MDFI: variants seen among roughly 807,000 people sequenced by gnomAD.
MDFI encodes MyoD family inhibitor.
In MDFI, 16 loss-of-function variants were observed where a neutral mutation model predicts 22.3. The ratio of observed to expected loss-of-function variants is 0.72; its 90% CI spans 0.49 to 1.09. The LOEUF (loss-of-function observed/expected upper bound fraction) is 1.09. Among genes scored for constraint, MDFI ranks in the 50% least tolerant of loss-of-function variants. The pLI is 0.00. For synonymous variants in MDFI, 145 were observed against 142.7 expected (o/e 1.02, Z -0.12); for missense variants, 314 against 326.1 (o/e 0.96, Z 0.29).
At chr6:41,651,303 A>AT (rs1419687986) in intron 4 of MDFI, among the ~76,000 whole-genome samples, 2 of 149,642 alleles carry the variant, frequency 1.3e-5, no homozygotes, top group East Asian at 3.9e-4. Flanking sequence ...AAGTGCAATG[A>AT]TAAACTCATG....
Position 41,653,813 on chromosome 6 carries a change from T to C in MDFI, c.*238T>C, listed in dbSNP as rs1221671992. On this transcript the variant is annotated 3_prime_UTR_variant, in exon 5 of 5. Coordinates refer to ENST00000230321, the MANE Select transcript of MDFI (RefSeq NM_005586.4). This position sits in a 1 kb window ranked among gnomAD's most constrained non-coding sequence, Gnocchi z 4.2. Reference sequence around the variant, plus strand: ...TGGCAGAGAAGCCTGAACTCTTTACTGGGTTACCAGGTTCATACATTGCTG... The same window carrying C: ...TGGCAGAGAAGCCTGAACTCTTTACCGGGTTACCAGGTTCATACATTGCTG... 5.6e-6 allele frequency: 3 copies of C among 533,506 alleles called. No homozygotes were observed. The African/African-American group carries it at 5.8e-5, about 10-fold the overall frequency. The allele number at this position is 533,506 out of a possible 1,614,324, so 33.0% of individuals were successfully genotyped here.
At chr6:41,644,332 G>T (rs1767969370) in intron 2 of MDFI, among the ~76,000 whole-genome samples, 1 of 152,206 alleles carries the variant, frequency 6.6e-6, no homozygotes, top group Non-Finnish European at 1.5e-5. Context: ...TAACTCTCCT[G>T]CCCTGCACAA....
Position 41,653,865 on chromosome 6 carries a change from A to C in MDFI, c.*290A>C. On this transcript the variant is annotated 3_prime_UTR_variant, in exon 5 of 5. Transcript: ENST00000230321. This position sits in a 1 kb window ranked among gnomAD's most constrained non-coding sequence, Gnocchi z 4.2. ...GGACCTGACAGGACAACCTAGGGGC[A>C]GGGCTGGGGTGGGGACCGCAGGGGG... 3 of 335,172 alleles carry C rather than the reference A, an allele frequency of 9.0e-6. No individual in the cohort carries two copies. The highest frequency in any genetic ancestry group is 1.2e-5 in the Non-Finnish European group (2 of 172,658). The allele number at this position is 335,172 out of a possible 1,614,324, so 20.8% of individuals were successfully genotyped here.
At chr6:41,652,139 A>T (rs9394819) in intron 4 of MDFI, among the ~76,000 whole-genome samples, 1 of 151,968 alleles carries the variant, frequency 6.6e-6, no homozygotes, top group Non-Finnish European at 1.5e-5. Flanking sequence ...GCGGTATTGA[A>T]GCGGGTGGTG....
At chr6:41,643,561 G>GGAAA in intron 2 of MDFI, among the ~76,000 whole-genome samples, 1 of 102,076 alleles carries the variant, frequency 9.8e-6, no homozygotes, top group Non-Finnish European at 2.2e-5. Context: ...AAGGAAGGAA[G>GGAAA]GAAGGAAGGA....
At chr6:41,639,536 C>T (rs979997053) in intron 2 of MDFI, 7 of 985,294 alleles carry the variant, frequency 7.1e-6, no homozygotes, top group Admixed American at 6.1e-5. Flanking sequence ...GAGTAGGGGC[C>T]TCGCCGGCCC....
intron 2 of MDFI, chr6:41,639,681 C>T: frequency 2.0e-6 from 2 of 985,426 alleles, no homozygotes; most frequent in Non-Finnish European, 2.4e-6. Flanking sequence ...AGTGTGGACC[C>T]GGATTTCATA....
chr6:41,639,077 G>GACAC (rs145284051), intron 2 of MDFI, among the ~76,000 whole-genome samples: 15 of 146,388 alleles, frequency 1.0e-4, no homozygotes, highest in Admixed American at 5.3e-4. Flanking sequence ...CCCGACACCA[G>GACAC]ACACACACAC....
At position 41,653,746 on chromosome 6, in the gene MDFI, C is replaced by A; in HGVS notation, c.*171C>A. 1 of 830,664 alleles carries A rather than the reference C, an allele frequency of 1.2e-6. No homozygotes were observed. The highest frequency in any genetic ancestry group is 1.8e-6 in the Non-Finnish European group (1 of 544,308). The allele number at this position is 830,664 out of a possible 1,614,324, so 51.5% of individuals were successfully genotyped here. A position where few individuals can be genotyped will look rare whatever the true frequency, so the allele number is the denominator to read the frequency against. On this transcript the variant is annotated 3_prime_UTR_variant, in exon 5 of 5. Transcript: ENST00000230321. The surrounding 1 kb of genome is among the most constrained non-coding windows in gnomAD (Gnocchi z 4.2). ...CCCCAGCCTTGAAAATAGTGGGGGG[C>A]ACTCAGAGGGGCCACCTCCTCAGCC...
At position 41,653,222 on chromosome 6, in the gene MDFI, T is replaced by C; in HGVS notation, c.485-97T>C. 7.9e-7 allele frequency: 1 copy of C among 1,266,668 alleles called. No individual in the cohort carries two copies. Among genetic ancestry groups the C allele is most frequent in the Non-Finnish European group, 1.1e-6 (1 of 891,542 alleles). The allele number at this position is 1,266,668 out of a possible 1,614,324, so 78.5% of individuals were successfully genotyped here. On this transcript the variant is annotated intron_variant, in intron 4 of 4. Transcript: ENST00000230321. The surrounding 1 kb of genome is among the most constrained non-coding windows in gnomAD (Gnocchi z 4.2). ...CACAGTGAACACTCAGCGTCCCTGC[T>C]GCTGCCGCTGCCGCAGGCCCCCACA...
At chr6:41,642,086 T>C (rs561749489) in intron 2 of MDFI, among the ~76,000 whole-genome samples, 1 of 152,214 alleles carries the variant, frequency 6.6e-6, no homozygotes, top group African/African-American at 2.4e-5. Flanking sequence ...TTTCCGTATC[T>C]CCCCTTTGTA....
At chr6:41,638,342 G>C (rs1368496735), upstream of MDFI, 1 of 198,588 alleles carries the variant, frequency 5.0e-6, no homozygotes, top group African/African-American at 2.4e-5. The surrounding 1 kb of genome is among the most constrained non-coding windows in gnomAD (Gnocchi z 7.6). Flanking sequence ...AGCCCGGCGC[G>C]GGGGAGGGGA....
intron 4 of MDFI, 51 bp downstream of exon 4, chr6:41,649,894 C>T (rs1768204661): frequency 2.6e-6 from 4 of 1,540,448 alleles, no homozygotes; most frequent in Non-Finnish European, 3.5e-6. Context: ...AGCCGGGTTC[C>T]TCGAAGCATG....
rs867729420 is a variant in MDFI, at chr6:41,639,552, C to G, written c.76+727C>G. 21 of 985,346 alleles carry G rather than the reference C, an allele frequency of 2.1e-5. No individual in the cohort carries two copies. In the African/African-American group the frequency reaches 3.5e-4, roughly 16 times the overall value. The allele number at this position is 985,346 out of a possible 1,614,324, so 61.0% of individuals were successfully genotyped here. A position where few individuals can be genotyped will look rare whatever the true frequency, so the allele number is the denominator to read the frequency against. On this transcript the variant is annotated intron_variant, in intron 2 of 4. Coordinates refer to ENST00000230321, the MANE Select transcript of MDFI (RefSeq NM_005586.4). ...AGTAGGGGCCTCGCCGGCCCTGGTT[C>G]TCAGTCCCTTCCCCTCACTGGCCAG...
chr6:41,649,934 A>G (rs1768207542), intron 4 of MDFI, 91 bp downstream of exon 4: 1 of 1,098,602 alleles, frequency 9.1e-7, no homozygotes, highest in Non-Finnish European at 1.3e-6. Flanking sequence ...CACCTTCACC[A>G]GGCTGTTACT....
intron 3 of MDFI, among the ~76,000 whole-genome samples, chr6:41,648,343 C>T (rs1021097932): frequency 2.6e-5 from 4 of 152,186 alleles, no homozygotes; most frequent in African/African-American, 4.8e-5. Flanking sequence ...TCAGTTTCCT[C>T]ATCAGTAAAA....
chr6:41,640,526 G>A (rs550333979), intron 2 of MDFI, among the ~76,000 whole-genome samples: 4 of 152,294 alleles, frequency 2.6e-5, no homozygotes, highest in Non-Finnish European at 5.9e-5. Context: ...CTCTGCCACC[G>A]CCTTGGGAGA....
intron 2 of MDFI, among the ~76,000 whole-genome samples, chr6:41,643,355 C>A (rs1767918446): frequency 6.6e-6 from 1 of 152,116 alleles, no homozygotes; most frequent in South Asian, 2.1e-4. Flanking sequence ...CTTCCAGATG[C>A]CCCAGTGTAA....
Position 41,642,990 on chromosome 6 carries a change from G to GAGGGGGAGC in MDFI, c.77-3131_77-3123dup, listed in dbSNP as rs1381843310. ...CCTCCCTCTCTAACACTGCGGGGAG[G>GAGGGGGAGC]AGGGGGAGCAGGGCAGGGAGCAGAA... On this transcript the variant is annotated intron_variant, in intron 2 of 4. Coordinates refer to ENST00000230321, the MANE Select transcript of MDFI (RefSeq NM_005586.4). Among the ~76,000 whole-genome samples, 448 of 152,284 alleles carry GAGGGGGAGC rather than the reference G, an allele frequency of 2.9e-3. 2 individuals are homozygous for GAGGGGGAGC. Among genetic ancestry groups the GAGGGGGAGC allele is most frequent in the African/African-American group, 0.01 (419 of 41,566 alleles).
Sources: allele counts gnomAD v4.1 joint callset (sites outside exome capture counted in the v4.1 genomes callset), GRCh38; gene constraint gnomAD v4.1.1; non-coding constraint Gnocchi (gnomAD v3.1); transcripts MANE v1.5; gene names NCBI Gene and HGNC (gene_info 2026-07-23, HGNC 2026-07-21).